Variants in TUBGCP5 observed in about 807,000 individuals in gnomAD.
TUBGCP5 encodes the protein tubulin gamma complex component 5.
In TUBGCP5, 98 loss-of-function variants were observed where a neutral mutation model predicts 134.7. The observed-to-expected ratio is 0.73, with a 90% CI of 0.62 to 0.86. The LOEUF (loss-of-function observed/expected upper bound fraction) is 0.86. TUBGCP5 is among the 40% of genes least tolerant of loss of function. The pLI is 0.00. For missense variants in TUBGCP5, 1,150 were observed against 1,244.8 expected, an observed-to-expected ratio of 0.92 and a Z score of 1.15; for synonymous variants, 456 against 431.4, an observed-to-expected ratio of 1.06 and a Z score of -0.71.
chr15:23,036,818 C>G (rs948466823), intron 3 of TUBGCP5, 79 bp downstream of exon 3: 3 of 1,003,270 alleles, frequency 3.0e-6, no homozygotes, highest in Non-Finnish European at 1.5e-6. Context: ...AATGTTTAAA[C>G]AGTAACTGAA....
rs2065157068 is a variant in TUBGCP5, at chr15:23,013,526, G to A, written c.1757-2195C>T. ...ATGTGACACAGTGTTGGTGACTGGA[G>A]GCCCAGGAGGGCAGTGTGGAGGCTT... On this transcript the variant is annotated intron_variant, in intron 13 of 22. Coordinates refer to ENST00000615383, the MANE Select transcript of TUBGCP5 (RefSeq NM_052903.6). This position sits in a 1 kb window ranked among gnomAD's most constrained non-coding sequence, Gnocchi z 4.5. Among the ~76,000 whole-genome samples, 1 of 152,178 alleles carries A rather than the reference G, an allele frequency of 6.6e-6. No homozygotes were observed. The highest frequency in any genetic ancestry group is 2.4e-5 in the African/African-American group (1 of 41,450).
intron 5 of TUBGCP5, 132 bp from the exon 6 acceptor site, chr15:23,031,152 T>G: frequency 1.2e-6 from 1 of 852,432 alleles, no homozygotes; most frequent in South Asian, 2.7e-5. Context: ...ACAAATTTTT[T>G]TTTCCTAAAT....
At chr15:23,016,967 G>GATATATATATATATATATATATATAT (rs1432048816) in intron 13 of TUBGCP5, among the ~76,000 whole-genome samples, 1 of 60,898 alleles carries the variant, frequency 1.6e-5, no homozygotes, top group South Asian at 5.3e-4. Flanking sequence ...AAAAAATTGT[G>GATATATATATATATATATATATATAT]AGATATATAT....
intron 5 of TUBGCP5, among the ~76,000 whole-genome samples, 186 bp downstream of exon 5, chr15:23,031,762 CCT>C (rs2066326754): frequency 1.3e-5 from 2 of 152,214 alleles, no homozygotes; most frequent in African/African-American, 4.8e-5. Context: ...ATGCCCGGCC[CCT>C]TTTAACTTCT....
At chr15:23,026,698 C>T (rs1373110936) in intron 7 of TUBGCP5, among the ~76,000 whole-genome samples, 5 of 152,018 alleles carry the variant, frequency 3.3e-5, no homozygotes, top group African/African-American at 9.7e-5. Context: ...TTTGGGAGGC[C>T]GAGGCAGGTG....
At chr15:22,985,213 G>GT (rs2063642732) in intron 23 of TUBGCP5, among the ~76,000 whole-genome samples, 1 of 147,296 alleles carries the variant, frequency 6.8e-6, no homozygotes, top group Non-Finnish European at 1.5e-5. Context: ...ATAGTCTTTT[G>GT]TTTTTTCTTT....
chr15:22,984,229 A>G (rs1225205846), intron 23 of TUBGCP5, among the ~76,000 whole-genome samples: 1 of 152,252 alleles, frequency 6.6e-6, no homozygotes, highest in Admixed American at 6.5e-5. Flanking sequence ...AAATGAGACT[A>G]CTATACAGCA....
chr15:23,022,222 C>T (rs2065745995), intron 10 of TUBGCP5, 61 bp from the exon 11 acceptor site: 1 of 1,554,644 alleles, frequency 6.4e-7, no homozygotes, highest in Non-Finnish European at 8.9e-7. Flanking sequence ...TAAAATGTGA[C>T]ATAAATGCTG....
chr15:23,039,520 C>A lies in TUBGCP5; in HGVS notation c.24G>T (p.Trp8Cys), dbSNP rs767942242. The A allele has an allele frequency of 1.3e-6, 2 of 1,493,110 alleles. No homozygotes were observed. Among genetic ancestry groups the A allele is most frequent in the East Asian group, 2.8e-5 (1 of 36,190 alleles). 92.5% of individuals were successfully genotyped at this position (1,493,110 alleles called of 1,614,324 possible). ...GCTCCTGCTGCGCGTCCAACCGACT[C>A]CACGGTGGCCCGTGCCGCGCCATGT... MARHGPPWSRLDAQQERD... is the reference protein window; with the variant it reads MARHGPPCSRLDAQQERD... Residue 8 changes from tryptophan to cysteine, a missense_variant, in exon 1 of 23, where the codon TGG becomes TGT. Trp to Cys is a radical substitution (Grantham distance 215). Coordinates refer to ENST00000615383, the MANE Select transcript of TUBGCP5 (RefSeq NM_052903.6).
At chr15:23,030,708 T>C (rs2066259619) in intron 6 of TUBGCP5, among the ~76,000 whole-genome samples, 177 bp downstream of exon 6, 1 of 152,050 alleles carries the variant, frequency 6.6e-6, no homozygotes, top group African/African-American at 2.4e-5. Context: ...ACATTAATTC[T>C]ATAGTACTAC....
At chr15:22,987,762 G>A (rs534051163) in intron 23 of TUBGCP5, among the ~76,000 whole-genome samples, 16 of 151,680 alleles carry the variant, frequency 1.1e-4, no homozygotes, top group Non-Finnish European at 2.2e-4. Flanking sequence ...CGGGCGTGGT[G>A]GCGGGTGCCT....
intron 1 of TUBGCP5, among the ~76,000 whole-genome samples, chr15:23,038,896 T>C (rs1167203875): frequency 6.6e-6 from 1 of 151,090 alleles, no homozygotes; most frequent in Non-Finnish European, 1.5e-5. Flanking sequence ...CTAGCTGGAG[T>C]GGAAGTGGAG....
chr15:23,036,410 G>A (rs1024643775), intron 3 of TUBGCP5, among the ~76,000 whole-genome samples: 2 of 152,062 alleles, frequency 1.3e-5, no homozygotes, highest in African/African-American at 4.8e-5. Context: ...TTTCCCTTTG[G>A]TGATTTTAAT....
At chr15:22,996,590 A>T (rs1209153095), downstream of TUBGCP5, among the ~76,000 whole-genome samples, 1 of 152,078 alleles carries the variant, frequency 6.6e-6, no homozygotes, top group Non-Finnish European at 1.5e-5. Context: ...GGTTTAAGCA[A>T]TTCTCATGCC....
chr15:23,034,458 T>C (rs2066472278), intron 3 of TUBGCP5, among the ~76,000 whole-genome samples: 1 of 152,056 alleles, frequency 6.6e-6, no homozygotes, highest in South Asian at 2.1e-4. Flanking sequence ...GAAATATAAG[T>C]GGTGAGATGG....
intron 11 of TUBGCP5, among the ~76,000 whole-genome samples, chr15:23,021,652 C>T (rs987856852): frequency 4.6e-5 from 7 of 152,308 alleles, no homozygotes; most frequent in African/African-American, 1.7e-4. Flanking sequence ...GTGTCTACTT[C>T]AGCTATCTCA....
At position 23,017,717 on chromosome 15, in the gene TUBGCP5, C is replaced by T. The variant is rs1022064904; in HGVS notation, c.1756+56G>A. On this transcript the variant is annotated intron_variant, in intron 13 of 22. Transcript: ENST00000615383. ...TAATTAGGTATCAGGATGACAAGAG[C>T]GAGTAGGGTCAGGTGTCCCAACACC... 9.2e-6 allele frequency: 14 copies of T among 1,524,678 alleles called. No individual in the cohort carries two copies. In the Admixed American group the frequency reaches 2.1e-4, roughly 23 times the overall value. 94.4% of individuals were successfully genotyped at this position (1,524,678 alleles called of 1,614,324 possible). A position where few individuals can be genotyped will look rare whatever the true frequency, so the allele number is the denominator to read the frequency against.
chr15:22,988,444 G>T (rs73411378), intron 23 of TUBGCP5, among the ~76,000 whole-genome samples: 37,998 of 151,596 alleles, frequency 0.25, 5,233 homozygotes, highest in African/African-American at 0.32. Context: ...TTAATATCTG[G>T]TTTTTTTGGC....
At chr15:23,024,495 G>T (rs973614137) in intron 9 of TUBGCP5, 4 of 429,172 alleles carry the variant, frequency 9.3e-6, no homozygotes, top group Non-Finnish European at 1.6e-5. Context: ...ATAAAAAGCA[G>T]AAAATGCAAA....
Sources: allele counts gnomAD v4.1 joint callset (sites outside exome capture counted in the v4.1 genomes callset), GRCh38; gene constraint gnomAD v4.1.1; non-coding constraint Gnocchi (gnomAD v3.1); transcripts MANE v1.5; gene names NCBI Gene and HGNC (gene_info 2026-07-23, HGNC 2026-07-21).